ROBO2: variants seen among roughly 807,000 people sequenced by gnomAD.
ROBO2 encodes the protein roundabout homolog 2.
In ROBO2, 53 loss-of-function variants were observed where a neutral mutation model predicts 160.8. The observed-to-expected ratio is 0.33, with a 90% confidence interval of 0.26 to 0.41. The LOEUF (loss-of-function observed/expected upper bound fraction) is 0.41, where lower values mean the gene tolerates loss of function less well. ROBO2 is among the 10% of genes least tolerant of loss of function. ROBO2 has a pLI of 1.00. For missense variants in ROBO2, 1,577 were observed against 1,722.4 expected (o/e 0.92, Z 1.49); for synonymous variants, 664 against 611.7 (o/e 1.09, Z -1.26).
intron 2 of ROBO2, among the ~76,000 whole-genome samples, chr3:77,024,489 A>G (rs149250859): frequency 3.3e-5 from 5 of 152,342 alleles, no homozygotes; most frequent in Non-Finnish European, 7.4e-5. Context: ...TGTGTATTCC[A>G]TGAACATAAG....
At chr3:76,684,980 CA>C (rs5850283) in intron 2 of ROBO2, among the ~76,000 whole-genome samples, 86,204 of 151,084 alleles carry the variant, frequency 0.57, 26,034 homozygotes, top group East Asian at 0.78. Context: ...AGTACAAATG[CA>C]AAAGTCTTTC....
At chr3:76,580,357 TTTTTTTTTGG>T (rs2085620038) in intron 2 of ROBO2, among the ~76,000 whole-genome samples, 1 of 148,694 alleles carries the variant, frequency 6.7e-6, no homozygotes, top group South Asian at 2.1e-4. Flanking sequence ...TTTTTTTGTT[TTTTTTTTTGG>T]TTTTTTTCTC....
intron 2 of ROBO2, among the ~76,000 whole-genome samples, chr3:76,669,596 A>G (rs2092185064): frequency 6.6e-6 from 1 of 152,114 alleles, no homozygotes; most frequent in African/African-American, 2.4e-5. Context: ...GAAGCAATAA[A>G]AAGATAGATA....
intron 2 of ROBO2, among the ~76,000 whole-genome samples, chr3:76,901,313 T>G (rs2075210586): frequency 6.6e-6 from 1 of 152,036 alleles, no homozygotes; most frequent in African/African-American, 2.4e-5. Flanking sequence ...AGGCAAGAAT[T>G]TCGAAATGTT....
chr3:77,318,550 A>G (rs148414081), intron 2 of ROBO2, among the ~76,000 whole-genome samples: 3,673 of 152,320 alleles, frequency 0.024, 60 homozygotes, highest in Non-Finnish European at 0.038. Flanking sequence ...ATAACTAGCA[A>G]GAGACTATAT....
intron 2 of ROBO2, among the ~76,000 whole-genome samples, chr3:76,741,534 A>C (rs1467380754): frequency 6.6e-6 from 1 of 152,066 alleles, no homozygotes; most frequent in East Asian, 1.9e-4. Context: ...AGTGGACTGC[A>C]AGGTTAACAC....
intron 2 of ROBO2, among the ~76,000 whole-genome samples, chr3:76,752,270 A>G (rs1326165496): frequency 6.7e-6 from 1 of 149,158 alleles, no homozygotes; most frequent in African/African-American, 2.5e-5. Context: ...GGGGAACATC[A>G]CACACCGGGG....
intron 2 of ROBO2, among the ~76,000 whole-genome samples, chr3:77,387,919 C>T (rs1411176188): frequency 3.9e-5 from 6 of 151,998 alleles, no homozygotes; most frequent in Non-Finnish European, 8.8e-5. Context: ...ATATCGAAGC[C>T]GTCTAAATCA....
chr3:76,617,257 A>G (rs1486432121), intron 2 of ROBO2, among the ~76,000 whole-genome samples: 1 of 140,816 alleles, frequency 7.1e-6, no homozygotes, highest in Admixed American at 7.6e-5. Flanking sequence ...GACTAACCCA[A>G]GCCTAGTAAG....
At chr3:76,090,546 C>T (rs1273332377) in intron 2 of ROBO2, among the ~76,000 whole-genome samples, 2 of 152,138 alleles carry the variant, frequency 1.3e-5, no homozygotes, top group Non-Finnish European at 2.9e-5. Context: ...AGTTTCAACA[C>T]CATCCCAAAT....
chr3:77,602,813 C>T (rs1197510981), intron 20 of ROBO2: 2 of 476,434 alleles, frequency 4.2e-6, no homozygotes, highest in East Asian at 5.1e-5. Context: ...GCAGGGTAGA[C>T]AAAACATTCC....
intron 2 of ROBO2, among the ~76,000 whole-genome samples, chr3:77,140,045 T>A (rs956826825): frequency 6.6e-6 from 1 of 152,224 alleles, no homozygotes; most frequent in Non-Finnish European, 1.5e-5. Flanking sequence ...CTTTGTCAAC[T>A]GCAGACATAG....
intron 13 of ROBO2, among the ~76,000 whole-genome samples, chr3:77,569,406 T>G (rs556141009): frequency 6.6e-6 from 1 of 152,136 alleles, no homozygotes; most frequent in East Asian, 1.9e-4. Flanking sequence ...TGGTTTTGAT[T>G]TGCATTTCTT....
At chr3:76,984,279 T>C (rs1052638864) in intron 2 of ROBO2, among the ~76,000 whole-genome samples, 1 of 152,202 alleles carries the variant, frequency 6.6e-6, no homozygotes, top group Non-Finnish European at 1.5e-5. Flanking sequence ...TCTTTACATT[T>C]ACCATCTAGT....
intron 2 of ROBO2, among the ~76,000 whole-genome samples, chr3:77,183,951 C>A (rs2150875521): frequency 6.6e-6 from 1 of 152,196 alleles, no homozygotes; most frequent in South Asian, 2.1e-4. Context: ...TCTTTAACCA[C>A]CATATATTTC....
intron 1 of ROBO2, among the ~76,000 whole-genome samples, chr3:77,090,553 A>T (rs931526911): frequency 1.3e-5 from 2 of 151,434 alleles, no homozygotes; most frequent in African/African-American, 4.8e-5. Flanking sequence ...ACAAGGTTTC[A>T]CCGTGTTAGC....
At chr3:76,721,959 G>A (rs746147278) in intron 2 of ROBO2, among the ~76,000 whole-genome samples, 1 of 152,184 alleles carries the variant, frequency 6.6e-6, no homozygotes, top group Non-Finnish European at 1.5e-5. Flanking sequence ...AAGTCATTCT[G>A]CTGTCTGCCA....
At chr3:76,059,041 G>A (rs1394573719) in intron 2 of ROBO2, among the ~76,000 whole-genome samples, 2 of 150,468 alleles carry the variant, frequency 1.3e-5, no homozygotes, top group Non-Finnish European at 1.5e-5. Context: ...TCTTAATCCA[G>A]TCTATCATTG....
chr3:77,067,345 T>C (rs1261283087), intron 1 of ROBO2, among the ~76,000 whole-genome samples: 3 of 152,200 alleles, frequency 2.0e-5, no homozygotes, highest in African/African-American at 7.2e-5. Context: ...AACTTTGTAT[T>C]TACTTTTTAC....
Sources: gnomAD v4.1 joint callset for allele counts (sites outside exome capture counted in the v4.1 genomes callset) on GRCh38, gnomAD v4.1.1 for gene constraint, MANE v1.5 for transcripts, NCBI Gene and HGNC (gene_info 2026-07-23, HGNC 2026-07-21) for gene names.